Variants in PKNOX2 observed in about 807,000 individuals in gnomAD.
PKNOX2 encodes PBX/knotted 1 homeobox 2, also known as homeobox protein PKNOX2.
A neutral mutation model predicts 53.1 loss-of-function variants in PKNOX2; 14 were observed. The observed-to-expected ratio is 0.26, with a 90% confidence interval of 0.17 to 0.41. PKNOX2 has a LOEUF of 0.41. Among genes scored for constraint, PKNOX2 ranks in the 10% least tolerant of loss-of-function variants. The pLI is 1.00. For missense variants in PKNOX2, 496 were observed against 602.8 expected, an observed-to-expected ratio of 0.82 and a Z score of 1.85; for synonymous variants, 257 against 242.8, an observed-to-expected ratio of 1.06 and a Z score of -0.54.
intron 6 of PKNOX2, among the ~76,000 whole-genome samples, chr11:125,391,806 C>A (rs1954065966): frequency 6.6e-6 from 1 of 152,106 alleles, no homozygotes; most frequent in African/African-American, 2.4e-5. Context: ...GGGAAAGAAG[C>A]TGAAAGATGG....
Position 125,309,308 on chromosome 11 carries a change from T to G in PKNOX2, c.-129-22511T>G, listed in dbSNP as rs111262112. Among the ~76,000 whole-genome samples, 178 of 151,782 alleles carry G rather than the reference T, an allele frequency of 1.2e-3. 1 individual carries two copies. Among genetic ancestry groups the G allele is most frequent in the African/African-American group, 4.1e-3 (171 of 41,330 alleles). ...ACTGAATTTTCATTCCAACATCCCT[T>G]TATTTTTTTCCCACATGACATGCTT... On this transcript the variant is annotated intron_variant, in intron 2 of 12. Transcript: ENST00000298282.
chr11:125,330,886 G>C (rs537642944), intron 2 of PKNOX2, among the ~76,000 whole-genome samples: 1 of 152,304 alleles, frequency 6.6e-6, no homozygotes, highest in East Asian at 1.9e-4. Flanking sequence ...GAGTAAGATG[G>C]TGTTAACTAG....
chr11:125,198,835 C>T (rs866503306), intron 1 of PKNOX2, among the ~76,000 whole-genome samples: 3 of 131,554 alleles, frequency 2.3e-5, no homozygotes, highest in African/African-American at 9.1e-5. Flanking sequence ...TCTTCTTCTT[C>T]TTCTTCTTTT....
intron 2 of PKNOX2, among the ~76,000 whole-genome samples, chr11:125,311,109 C>T (rs926150559): frequency 2.0e-5 from 3 of 152,172 alleles, no homozygotes; most frequent in African/African-American, 7.2e-5. Context: ...ACAGGCCCAG[C>T]CTACTCTTTT....
intron 4 of PKNOX2, among the ~76,000 whole-genome samples, chr11:125,356,966 AG>A (rs1444666513): frequency 6.6e-6 from 1 of 152,238 alleles, no homozygotes; most frequent in African/African-American, 2.4e-5. Context: ...CCTGCCTTGC[AG>A]GGCCCTCTGC....
rs1192771108 is a variant in PKNOX2, at chr11:125,410,217, A to C, written c.610A>C (p.Asn204His). Residue 204 changes from asparagine (N) to histidine (H), a missense_variant, in exon 8 of 13, where the codon AAT (asparagine) becomes CAT (histidine). Asn to His is a moderately conservative substitution (Grantham distance 68). Around this residue, in one of 5 missense-constraint regions of PKNOX2, gnomAD observed 141 missense variants for 143.9 expected, o/e 0.98. Coordinates refer to ENST00000298282, the MANE Select transcript of PKNOX2 (RefSeq NM_001382323.2). ...HSQDLLQNSP[N>H]SMSGVSNNPQ... ...CCAGGACCTCCTGCAGAATTCCCCC[A>C]ATTCCATGTCCGGAGTCTCCAATAA... The C allele has an allele frequency of 6.2e-7, 1 of 1,613,830 alleles. No homozygotes were observed. Among genetic ancestry groups the C allele is most frequent in the Non-Finnish European group, 8.5e-7 (1 of 1,179,962 alleles).
chr11:125,329,097 C>G (rs1236452134), intron 2 of PKNOX2, among the ~76,000 whole-genome samples: 1 of 151,956 alleles, frequency 6.6e-6, no homozygotes, highest in Non-Finnish European at 1.5e-5. Flanking sequence ...ATAATCTAAA[C>G]AACAAATGTG....
At chr11:125,350,951 G>A (rs1402874673) in intron 3 of PKNOX2, among the ~76,000 whole-genome samples, 2 of 152,080 alleles carry the variant, frequency 1.3e-5, no homozygotes, top group Non-Finnish European at 2.9e-5. Flanking sequence ...CCAGTCCCCC[G>A]GTGCTGCTAC....
intron 3 of PKNOX2, among the ~76,000 whole-genome samples, chr11:125,343,926 C>T (rs758138598): frequency 4.6e-5 from 7 of 151,806 alleles, no homozygotes; most frequent in Non-Finnish European, 8.8e-5. Context: ...TGAGTCAGAG[C>T]GGCATGGCTG....
At chr11:125,401,766 A>AGTGTGTGT (rs370503272) in intron 7 of PKNOX2, among the ~76,000 whole-genome samples, 2,489 of 149,290 alleles carry the variant, frequency 0.017, 55 homozygotes, top group African/African-American at 0.05. Context: ...GGAGCTTGTG[A>AGTGTGTGT]GTGTGTGTGT....
intron 2 of PKNOX2, among the ~76,000 whole-genome samples, chr11:125,235,503 T>A (rs1942600687): frequency 6.6e-6 from 1 of 152,182 alleles, no homozygotes; most frequent in Admixed American, 6.5e-5. Flanking sequence ...TCGGCCAAGT[T>A]TATAGCCTGC....
intron 1 of PKNOX2, among the ~76,000 whole-genome samples, chr11:125,215,339 G>A (rs1031759415): frequency 2.6e-5 from 4 of 152,102 alleles, no homozygotes; most frequent in African/African-American, 9.7e-5. Flanking sequence ...GTGTGTCACA[G>A]TTCCGTGACT....
intron 1 of PKNOX2, among the ~76,000 whole-genome samples, chr11:125,222,711 GTGTA>G (rs772031125): frequency 3.3e-5 from 5 of 149,658 alleles, no homozygotes; most frequent in African/African-American, 4.9e-5. Context: ...TGTGTGTGCT[GTGTA>G]TGTGTGTGTG....
intron 5 of PKNOX2, among the ~76,000 whole-genome samples, chr11:125,368,953 G>T (rs530119315): frequency 6.6e-6 from 1 of 152,294 alleles, no homozygotes; most frequent in South Asian, 2.1e-4. Flanking sequence ...AGCAAGTGTG[G>T]CTCGCCTCTG....
At chr11:125,225,914 G>A (rs1459978298) in intron 1 of PKNOX2, among the ~76,000 whole-genome samples, 3 of 152,040 alleles carry the variant, frequency 2.0e-5, no homozygotes, top group Non-Finnish European at 2.9e-5. Context: ...GGAATTAAAG[G>A]CCTCTTTATT....
chr11:125,411,462 T>C (rs77110835), intron 9 of PKNOX2: 6,704 of 252,446 alleles, frequency 0.027, 339 homozygotes, highest in African/African-American at 0.12. Context: ...TCCTCTGTCT[T>C]TCTCTCTCTC....
chr11:125,274,604 C>T lies in PKNOX2; in HGVS notation c.-130+39489C>T, dbSNP rs559270743. ...CAAGGATGCGTGAACAAGGAACACA[C>T]GGGGATGGAACATGTCGGCTGCAGC... On this transcript the variant is annotated intron_variant, in intron 2 of 12. Transcript: ENST00000298282. Among the ~76,000 whole-genome samples, 10 of 152,322 alleles carry T rather than the reference C, an allele frequency of 6.6e-5. No individual in the cohort carries two copies. The East Asian group carries it at 1.5e-3, about 23-fold the overall frequency.
chr11:125,398,167 C>T (rs1388806508), intron 7 of PKNOX2, 105 bp downstream of exon 7: 1 of 1,222,234 alleles, frequency 8.2e-7, no homozygotes, highest in Non-Finnish European at 1.1e-6. Context: ...GGGTTAGACC[C>T]ACTGGGTTCC....
chr11:125,261,477 A>G (rs1944838532), intron 2 of PKNOX2, among the ~76,000 whole-genome samples: 1 of 152,240 alleles, frequency 6.6e-6, no homozygotes, highest in Admixed American at 6.5e-5. Flanking sequence ...TGCATGTGGT[A>G]GATCAGCCTT....
Sources: gnomAD v4.1 joint callset for allele counts (sites outside exome capture counted in the v4.1 genomes callset) on GRCh38, gnomAD v4.1.1 for gene constraint, gnomAD v4.1.1 regional missense constraint, MANE v1.5 for transcripts, NCBI Gene and HGNC (gene_info 2026-07-23, HGNC 2026-07-21) for gene names.